The following SNX30 variants were observed in gnomAD, a reference collection of about 807,000 sequenced individuals.
The protein encoded by SNX30 is sorting nexin family member 30.
Under a neutral mutation model 46.4 loss-of-function variants are expected in SNX30, and 24 were observed. The observed-to-expected ratio is 0.52, with a 90% confidence interval of 0.37 to 0.73. The LOEUF (loss-of-function observed/expected upper bound fraction) is 0.73, where lower values mean the gene tolerates loss of function less well. Among genes scored for constraint, SNX30 ranks in the 30% least tolerant of loss-of-function variants. SNX30 has a pLI of 0.00. For missense variants in SNX30, 533 were observed against 555.7 expected, an observed-to-expected ratio of 0.96 and a Z score of 0.41; for synonymous variants, 189 against 211.5, an observed-to-expected ratio of 0.89 and a Z score of 0.92.
chr9:112,774,487 A>G (rs1284335602), intron 1 of SNX30, among the ~76,000 whole-genome samples: 2 of 152,222 alleles, frequency 1.3e-5, no homozygotes, highest in Non-Finnish European at 2.9e-5. Context: ...AAAGACACAA[A>G]TAAAGCTGCC....
chr9:112,885,181 G>A (rs1457053794), downstream of SNX30: 1 of 152,104 alleles, frequency 6.6e-6, no homozygotes, highest in Non-Finnish European at 1.5e-5. Context: ...GAGCCCTAAT[G>A]ATTGACGGCT....
In SNX30 at chr9:112,874,348, T is replaced by G. The variant is rs1272051694; in HGVS notation, c.*5505T>G. 6.6e-6 allele frequency: 1 copy of G among 152,186 alleles called. No homozygotes were observed. 9.4% of individuals were successfully genotyped at this position (152,186 alleles called of 1,614,324 possible). On this transcript the variant is annotated 3_prime_UTR_variant, in exon 9 of 9. Transcript: ENST00000374232. ...TGCCTGTTCCCTTCATTGCTGTGAG[T>G]TGGGAGTGCATTGAGAGATGATGTC...
intron 1 of SNX30, among the ~76,000 whole-genome samples, chr9:112,798,139 T>A (rs1840143413): frequency 5.1e-5 from 2 of 39,138 alleles, no homozygotes; most frequent in Non-Finnish European, 1.1e-4. Context: ...TTTTTTTTTT[T>A]TATTATACTC....
chr9:112,821,573 G>A (rs934821709), intron 3 of SNX30, among the ~76,000 whole-genome samples: 5 of 145,820 alleles, frequency 3.4e-5, no homozygotes, highest in Admixed American at 2.1e-4. Flanking sequence ...TGCAAGCTCC[G>A]TCTCCCGGGT....
chr9:112,762,901 C>T (rs1168538894), intron 1 of SNX30, among the ~76,000 whole-genome samples: 1 of 152,238 alleles, frequency 6.6e-6, no homozygotes, highest in Non-Finnish European at 1.5e-5. Context: ...ATTCCCACTC[C>T]AGGTGAGGAA....
intron 1 of SNX30, among the ~76,000 whole-genome samples, chr9:112,758,597 T>C (rs530437228): frequency 3.3e-5 from 5 of 152,302 alleles, no homozygotes; most frequent in African/African-American, 1.2e-4. Context: ...GGTTTCGCCA[T>C]GTTGGCCAGG....
intron 7 of SNX30, among the ~76,000 whole-genome samples, chr9:112,861,927 C>T (rs1238690855): frequency 1.5e-5 from 2 of 137,586 alleles, no homozygotes; most frequent in South Asian, 2.3e-4. Flanking sequence ...GCAGGGGAAG[C>T]GACAACACTT....
In SNX30 at chr9:112,835,685, A is replaced by G. The variant is rs116622959; in HGVS notation, c.619-529A>G. 3.5e-3 allele frequency among the ~76,000 whole-genome samples: 529 copies of G among 152,286 alleles called. 3 individuals carry two copies. The highest frequency in any genetic ancestry group is 0.012 in the African/African-American group (515 of 41,556). On this transcript the variant is annotated intron_variant, in intron 4 of 8. Coordinates refer to ENST00000374232, the MANE Select transcript of SNX30 (RefSeq NM_001012994.2). ...CAACATATTTCCAGTTTTGCCTTCA[A>G]GAAATCCAGGGTTAAAATGTTTTGC... is the stretch of plus-strand genomic sequence containing the variant.
At chr9:112,884,747 TC>T (rs1197340527), downstream of SNX30, among the ~76,000 whole-genome samples, 1 of 152,242 alleles carries the variant, frequency 6.6e-6, no homozygotes, top group Non-Finnish European at 1.5e-5. Context: ...ACTTGTATCT[TC>T]CCATTGCTTT....
intron 1 of SNX30, among the ~76,000 whole-genome samples, chr9:112,767,120 T>TTTTC (rs144239980): frequency 0.13 from 7,265 of 56,708 alleles, 345 homozygotes; most frequent in East Asian, 0.3. Context: ...ACACTAATTA[T>TTTTC]TTTATTTTTT....
downstream of SNX30, chr9:112,879,760 C>A: frequency 6.2e-7 from 1 of 1,611,990 alleles, no homozygotes; most frequent in Non-Finnish European, 8.5e-7. Flanking sequence ...AGGTAAGCAT[C>A]TTCATTTCTC....
intron 1 of SNX30, among the ~76,000 whole-genome samples, chr9:112,776,769 T>G (rs1839754764): frequency 6.6e-6 from 1 of 152,248 alleles, no homozygotes; most frequent in African/African-American, 2.4e-5. Flanking sequence ...TCTTTGGAAC[T>G]GCTCCTAGGC....
chr9:112,879,983 C>T (rs1841557990), downstream of SNX30: 1 of 553,884 alleles, frequency 1.8e-6, no homozygotes, highest in Non-Finnish European at 3.3e-6. Flanking sequence ...CTCCCTGCAG[C>T]TGCTAGCTAA....
chr9:112,767,860 A>G (rs1839572546), intron 1 of SNX30, among the ~76,000 whole-genome samples: 1 of 152,190 alleles, frequency 6.6e-6, no homozygotes, highest in Admixed American at 6.5e-5. Context: ...CTGGCCTCCC[A>G]AAGTATTGAG....
intron 6 of SNX30, among the ~76,000 whole-genome samples, chr9:112,846,505 T>C (rs569234823): frequency 3.9e-5 from 6 of 152,316 alleles, no homozygotes; most frequent in Middle Eastern, 6.8e-3. Context: ...GCTAGTGATA[T>C]CACCAGTACC....
chr9:112,873,278 T>C lies in SNX30; in HGVS notation c.*4435T>C, dbSNP rs1841475031. 1 of 152,206 alleles carries C rather than the reference T, an allele frequency of 6.6e-6. No individual in the cohort carries two copies. The highest frequency in any genetic ancestry group is 6.5e-5 in the Admixed American group (1 of 15,282). The allele number at this position is 152,206 out of a possible 1,614,324, so 9.4% of individuals were successfully genotyped here. A position where few individuals can be genotyped will look rare whatever the true frequency, so the allele number is the denominator to read the frequency against. On this transcript the variant is annotated 3_prime_UTR_variant, in exon 9 of 9. Transcript: ENST00000374232. ...AAACCAATAAGATATTTGTCTCCTA[T>C]ATAAACATTCTGTGTATTTAGCACT...
chr9:112,837,050 T>G (rs2131456940), intron 5 of SNX30, among the ~76,000 whole-genome samples: 1 of 152,310 alleles, frequency 6.6e-6, no homozygotes, highest in Middle Eastern at 3.4e-3. Flanking sequence ...ACGTGAGCAG[T>G]GTAAATGATC....
chr9:112,778,700 A>G (rs1237483451), intron 1 of SNX30, among the ~76,000 whole-genome samples: 1 of 152,238 alleles, frequency 6.6e-6, no homozygotes, highest in Non-Finnish European at 1.5e-5. Flanking sequence ...GACCAGAGAT[A>G]TAGTTAGGAC....
intron 1 of SNX30, among the ~76,000 whole-genome samples, chr9:112,759,086 G>T (rs1303743324): frequency 6.6e-6 from 1 of 151,954 alleles, no homozygotes; most frequent in Non-Finnish European, 1.5e-5. Flanking sequence ...GGCTGGTCTC[G>T]AACTCCTGGC....
Sources: gnomAD v4.1 joint callset for allele counts (sites outside exome capture counted in the v4.1 genomes callset) on GRCh38, gnomAD v4.1.1 for gene constraint, MANE v1.5 for transcripts, NCBI Gene and HGNC (gene_info 2026-07-23, HGNC 2026-07-21) for gene names.